The following NELL1 variants were observed in gnomAD, a reference collection of about 807,000 sequenced individuals.
The protein encoded by NELL1 is protein kinase C-binding protein NELL1.
NELL1 carries 76 observed loss-of-function variants against 107.4 expected under a neutral mutation model. The observed-to-expected ratio is 0.71, with a 90% confidence interval of 0.59 to 0.86. NELL1 has a LOEUF of 0.86. Ranked by LOEUF, NELL1 falls within the 40% of genes least tolerant of loss-of-function variation. NELL1 has a pLI of 0.00. For synonymous variants in NELL1, 353 were observed against 341.2 expected (o/e 1.03, Z -0.38); for missense variants, 1,024 against 1,005.5 (o/e 1.02, Z -0.25).
At chr11:21,101,562 T>A (rs1854815572) in intron 12 of NELL1, among the ~76,000 whole-genome samples, 1 of 152,054 alleles carries the variant, frequency 6.6e-6, no homozygotes. Context: ...CTCATTGTGG[T>A]TTTGATTTGC....
intron 12 of NELL1, among the ~76,000 whole-genome samples, chr11:21,040,228 T>G (rs1476285222): frequency 6.6e-6 from 1 of 151,902 alleles, no homozygotes; most frequent in Non-Finnish European, 1.5e-5. Flanking sequence ...TTCATTAGAA[T>G]TACTTGTAAA....
intron 2 of NELL1, among the ~76,000 whole-genome samples, chr11:20,766,767 G>C (rs1856539244): frequency 6.8e-6 from 1 of 147,430 alleles, no homozygotes; most frequent in Admixed American, 6.8e-5. Flanking sequence ...GTTTCAGACA[G>C]AGCCTCATTC....
chr11:20,704,791 T>C (rs1170394826), intron 2 of NELL1, among the ~76,000 whole-genome samples: 1 of 152,138 alleles, frequency 6.6e-6, no homozygotes, highest in Non-Finnish European at 1.5e-5. Flanking sequence ...TATGAAATTC[T>C]GGGTTGAAAA....
intron 16 of NELL1, among the ~76,000 whole-genome samples, chr11:21,535,466 A>G (rs1482184030): frequency 6.6e-6 from 1 of 152,172 alleles, no homozygotes; most frequent in African/African-American, 2.4e-5. Flanking sequence ...AGATATAGTC[A>G]GTGTTTTTTC....
chr11:20,676,125 TC>T, intron 1 of NELL1, among the ~76,000 whole-genome samples: 1 of 152,256 alleles, frequency 6.6e-6, no homozygotes, highest in East Asian at 1.9e-4. Context: ...CTTAGGACAC[TC>T]CCAGTTTGTT....
At chr11:21,234,671 G>A (rs901827718) in intron 14 of NELL1, among the ~76,000 whole-genome samples, 1 of 152,204 alleles carries the variant, frequency 6.6e-6, no homozygotes, top group African/African-American at 2.4e-5. Context: ...GAGTATGTTT[G>A]CATTGAGTGC....
rs1020102918 is a variant in NELL1 at position 21,351,918 on chromosome 11, T to C, written c.1550-18935T>C. Among the ~76,000 whole-genome samples the C allele has an allele frequency of 1.1e-4, 17 of 152,238 alleles. 3 individuals are homozygous for C. Among genetic ancestry groups the C allele is most frequent in the Admixed American group, 4.6e-4 (7 of 15,276 alleles). On this transcript the variant is annotated intron_variant, in intron 14 of 19. Coordinates refer to ENST00000357134, the MANE Select transcript of NELL1 (RefSeq NM_006157.5). ...TTGCGTTCAGAACAATAAAATAAAG[T>C]CTTTAAACATCCTAATGACCGTAGG...
At chr11:21,313,532 T>C (rs1849795702) in intron 14 of NELL1, among the ~76,000 whole-genome samples, 2 of 152,180 alleles carry the variant, frequency 1.3e-5, no homozygotes. Flanking sequence ...ACCTACTGTC[T>C]TAGTCCATTT....
chr11:21,083,162 T>TATGGGGCC (rs1384617360), intron 12 of NELL1, among the ~76,000 whole-genome samples: 1 of 152,174 alleles, frequency 6.6e-6, no homozygotes, highest in East Asian at 1.9e-4. Context: ...TATGTGTTTT[T>TATGGGGCC]ATGGGGCCAT....
intron 12 of NELL1, among the ~76,000 whole-genome samples, chr11:21,080,357 T>C (rs1854236789): frequency 6.6e-6 from 1 of 152,116 alleles, no homozygotes; most frequent in Non-Finnish European, 1.5e-5. Flanking sequence ...GATGTCCTTT[T>C]CATGATCTGG....
intron 14 of NELL1, among the ~76,000 whole-genome samples, chr11:21,290,097 C>T (rs1048610043): frequency 5.3e-5 from 8 of 152,110 alleles, no homozygotes; most frequent in African/African-American, 1.4e-4. Flanking sequence ...GGGCTGGACG[C>T]GGTGGCTCAC....
intron 18 of NELL1, 77 bp from the exon 19 acceptor site, chr11:21,573,108 C>T: frequency 9.0e-7 from 1 of 1,107,718 alleles, no homozygotes; most frequent in South Asian, 1.4e-5. Context: ...ACTGTGCTCT[C>T]TTTCCCCTTC....
At chr11:20,866,733 A>C (rs1849102089) in intron 4 of NELL1, among the ~76,000 whole-genome samples, 2 of 152,142 alleles carry the variant, frequency 1.3e-5, no homozygotes, top group Admixed American at 6.6e-5. Context: ...CACGTCAATC[A>C]CCTCATCTTC....
intron 13 of NELL1, among the ~76,000 whole-genome samples, chr11:21,210,215 G>C (rs2133859317): frequency 6.6e-6 from 1 of 152,190 alleles, no homozygotes; most frequent in South Asian, 2.1e-4. Flanking sequence ...AGGTCTTTGT[G>C]TGGATTTATG....
intron 13 of NELL1, among the ~76,000 whole-genome samples, chr11:21,183,187 T>C (rs1013568930): frequency 1.3e-5 from 2 of 151,920 alleles, no homozygotes; most frequent in East Asian, 1.9e-4. Flanking sequence ...TACCTCAGTA[T>C]AATATAATCT....
chr11:21,397,759 C>T (rs12288638), intron 15 of NELL1, among the ~76,000 whole-genome samples: 3,704 of 151,592 alleles, frequency 0.024, 64 homozygotes, highest in African/African-American at 0.039. Flanking sequence ...GAAGATAAGG[C>T]CTCTGGGAAG....
chr11:21,472,343 C>T (rs1014304095), intron 15 of NELL1, among the ~76,000 whole-genome samples: 3 of 151,966 alleles, frequency 2.0e-5, no homozygotes, highest in Non-Finnish European at 4.4e-5. Context: ...ATGCTGTTTG[C>T]TTGCTTTCTC....
At chr11:21,302,200 T>A (rs1460213976) in intron 14 of NELL1, among the ~76,000 whole-genome samples, 1 of 152,060 alleles carries the variant, frequency 6.6e-6, no homozygotes, top group African/African-American at 2.4e-5. Flanking sequence ...TGTTGTTGAC[T>A]GGAATTATAT....
rs534532851 is a variant in NELL1, at chr11:21,438,026, AG to A, written c.1645+67079del. On this transcript the variant is annotated intron_variant, in intron 15 of 19. Coordinates refer to ENST00000357134, the MANE Select transcript of NELL1 (RefSeq NM_006157.5). ...TTTGGGTAGTGAGCAAAATTTATAA[AG>A]TTCGATTCCTTTCTCTTTCCTATTT... 7.0e-4 allele frequency among the ~76,000 whole-genome samples: 107 copies of A among 152,296 alleles called. 1 individual carries two copies. The South Asian group carries it at 0.015, about 21-fold the overall frequency.
Sources: allele counts gnomAD v4.1 joint callset (sites outside exome capture counted in the v4.1 genomes callset), GRCh38; gene constraint gnomAD v4.1.1; transcripts MANE v1.5; gene names NCBI Gene and HGNC (gene_info 2026-07-23, HGNC 2026-07-21).